PCSK4: variants seen among roughly 807,000 people sequenced by gnomAD.
The protein encoded by PCSK4 is proprotein convertase subtilisin/kexin type 4.
PCSK4 carries 64 observed loss-of-function variants against 80.3 expected under a neutral mutation model. That is an observed-to-expected ratio of 0.80 (90% CI 0.65 to 0.98). The LOEUF (loss-of-function observed/expected upper bound fraction) is 0.98. Among genes scored for constraint, PCSK4 ranks in the 50% least tolerant of loss-of-function variants. PCSK4 has a pLI of 0.00. For missense variants in PCSK4, 1,213 were observed against 1,093.6 expected (o/e 1.11, Z -1.54); for synonymous variants, 561 against 487.6 (o/e 1.15, Z -1.98).
chr19:1,483,849 A>C lies in PCSK4; in HGVS notation c.1262T>G (p.Val421Gly), dbSNP rs763135009. Reference sequence around the variant, plus strand: ...CGGCCCCGCCGCACCTTGGCGCCCCACGCCGTTGGTCCTCCAGTCCTCGGC... The same window carrying C: ...CGGCCCCGCCGCACCTTGGCGCCCCCCGCCGTTGGTCCTCCAGTCCTCGGC... Residue 421 changes from valine to glycine, a missense_variant, in exon 10 of 15, where the codon GTG becomes GGG. Transcript: ENST00000300954. 130 of 1,492,976 alleles carry C rather than the reference A, an allele frequency of 8.7e-5. No homozygotes were observed. The African/African-American group carries it at 1.8e-3, about 21-fold the overall frequency. The allele number at this position is 1,492,976 out of a possible 1,614,324, so 92.5% of individuals were successfully genotyped here.
chr19:1,488,017 A>T, exon 4 of PCSK4: 1 of 1,613,544 alleles, frequency 6.2e-7, no homozygotes, highest in Non-Finnish European at 8.5e-7. Context: ...TCCAGCACAG[A>T]GACCACGATG....
intron 13 of PCSK4, chr19:1,482,681 T>C (rs2084362340): frequency 1.3e-6 from 1 of 767,036 alleles, no homozygotes; most frequent in Non-Finnish European, 2.1e-6. Context: ...CGCCTGTCAC[T>C]GGGCACCTAC....
rs370108776 is a variant in PCSK4 at position 1,482,389 on chromosome 19, C to T, written c.1783G>A (p.Ala595Thr). 1.1e-5 allele frequency: 17 copies of T among 1,566,386 alleles called. No homozygotes were observed. Among genetic ancestry groups the T allele is most frequent in the Admixed American group, 3.7e-5 (2 of 54,138 alleles). The change falls in exon 14 of 15, where the codon GCG (alanine) becomes ACG (threonine). Residue 595 changes from alanine to threonine, a missense_variant. Transcript: ENST00000300954. ...CCCTCTGTGTCCCGCTGCACACACG[C>T]GCTGCTGGTCACCTGGGGGCCTGTA...
In PCSK4 at chr19:1,487,920, C is replaced by T. The variant is rs200607971; in HGVS notation, c.516+44G>A. 6.2e-5 allele frequency: 99 copies of T among 1,586,232 alleles called. 1 individual carries two copies. In the East Asian group the frequency reaches 8.5e-4, roughly 14 times the overall value. On this transcript the variant is annotated intron_variant, in intron 4 of 14. Coordinates refer to ENST00000300954, the Ensembl canonical transcript of PCSK4. ...GGCGTCCCTAGGGTGGTGCCAGCCT[C>T]GGCACCTGGGGCAGCCCTCGCCCAC...
exon 15 of PCSK4, chr19:1,481,762 G>T: frequency 6.6e-7 from 1 of 1,508,430 alleles, no homozygotes; most frequent in East Asian, 2.3e-5. Flanking sequence ...GACAACTTCA[G>T]GTTCCAGCTG....
chr19:1,485,775 G>A (rs920317090), intron 8 of PCSK4, among the ~76,000 whole-genome samples: 6 of 151,902 alleles, frequency 3.9e-5, no homozygotes, highest in African/African-American at 7.3e-5. Context: ...GGAGGCTGAG[G>A]AAGGAGAATG....
chr19:1,489,130 C>CTTTTT (rs996269474), intron 2 of PCSK4, among the ~76,000 whole-genome samples: 3 of 128,842 alleles, frequency 2.3e-5, no homozygotes, highest in Non-Finnish European at 3.2e-5. Context: ...AAGCCTCCTA[C>CTTTTT]TTTTTTTTTT....
intron 13 of PCSK4, 139 bp downstream of exon 13, chr19:1,482,757 C>T (rs1395904832): frequency 4.3e-5 from 40 of 925,906 alleles, no homozygotes; most frequent in Non-Finnish European, 6.2e-5. Context: ...GGTGACTGCA[C>T]GCCTACTGTG....
rs763384761 is a variant in PCSK4 at position 1,486,899 on chromosome 19, GT to G, written c.1021del (p.Thr341ProfsTer42). 1.8e-5 allele frequency: 29 copies of G among 1,601,270 alleles called. No individual in the cohort carries two copies. Among genetic ancestry groups the G allele is most frequent in the African/African-American group, 2.7e-5 (2 of 74,938 alleles). ...GCCGCTGCTGTAGGTGGTGGTGAGG[GT>G]GGAGGCGCAGGCTTCGCTGTACCAG... On this transcript the variant is annotated frameshift_variant, in exon 8 of 15. Transcript: ENST00000300954. LOFTEE classifies it high-confidence loss of function.
intron 11 of PCSK4, 72 bp from the exon 12 acceptor site, chr19:1,483,535 C>T (rs1214677455): frequency 1.4e-6 from 2 of 1,429,514 alleles, no homozygotes; most frequent in Non-Finnish European, 1.9e-6. Context: ...CAGGCGAGGT[C>T]GGGGCTCAGA....
exon 15 of PCSK4, chr19:1,481,720 A>G (rs1363115151): frequency 5.8e-6 from 8 of 1,384,134 alleles, no homozygotes; most frequent in Non-Finnish European, 6.8e-6. Context: ...CCTGTCAGGG[A>G]CCCAGGCGGG....
chr19:1,486,498 C>G (rs530331203), intron 8 of PCSK4, among the ~76,000 whole-genome samples: 17 of 151,292 alleles, frequency 1.1e-4, no homozygotes, highest in African/African-American at 3.6e-4. Context: ...GGGTTTCACT[C>G]TGTTAGCCAG....
Position 1,488,357 on chromosome 19 carries a change from C to A in PCSK4, c.295-77G>T, listed in dbSNP as rs2084753470. 3 of 1,103,138 alleles carry A rather than the reference C, an allele frequency of 2.7e-6. No individual in the cohort carries two copies. The East Asian group carries it at 7.7e-5, about 28-fold the overall frequency. 68.3% of individuals were successfully genotyped at this position (1,103,138 alleles called of 1,614,324 possible). A position where few individuals can be genotyped will look rare whatever the true frequency, so the allele number is the denominator to read the frequency against. Reference sequence around the variant, plus strand: ...CTCGTGGTTCAGGGAGTGAGGCAGCCCCGTGCCCTGGGACCCTGTGTTTGT... The same window carrying A: ...CTCGTGGTTCAGGGAGTGAGGCAGCACCGTGCCCTGGGACCCTGTGTTTGT... On this transcript the variant is annotated intron_variant, in intron 2 of 14. Coordinates refer to ENST00000300954, the Ensembl canonical transcript of PCSK4.
At chr19:1,489,808 C>T in exon 2 of PCSK4, 1 of 1,611,026 alleles carries the variant, frequency 6.2e-7, no homozygotes. Context: ...GGTTTTTCTT[C>T]AGGTGCAGGC....
chr19:1,486,358 C>T (rs917326251), intron 8 of PCSK4, among the ~76,000 whole-genome samples: 1 of 148,596 alleles, frequency 6.7e-6, no homozygotes, highest in Non-Finnish European at 1.5e-5. Context: ...GTGCAGTGGC[C>T]CGATCTCGGC....
chr19:1,481,954 G>A, exon 15 of PCSK4: 1 of 1,594,374 alleles, frequency 6.3e-7, no homozygotes, highest in South Asian at 1.1e-5. Flanking sequence ...GCCGGGGGCG[G>A]CTGTCGGGGG....
At position 1,483,770 on chromosome 19, in the gene PCSK4, G is replaced by T. The variant is rs2145346288; in HGVS notation, c.1274-3C>A. 1.3e-6 allele frequency: 2 copies of T among 1,577,494 alleles called. No individual in the cohort carries two copies. Among genetic ancestry groups the T allele is most frequent in the African/African-American group, 1.4e-5 (1 of 73,520 alleles). The stretch of plus-strand genomic sequence containing the variant: ...CCCGTATCCGTAGTGATGGCTCACT[G>T]CGCGGAAGGGCAGCAGTCACTCGCC... On this transcript the variant is annotated splice_region_variant and splice_polypyrimidine_tract_variant and intron_variant, in intron 10 of 14. Coordinates refer to ENST00000300954, the Ensembl canonical transcript of PCSK4.
chr19:1,482,237 T>C, intron 14 of PCSK4, 30 bp from the exon 15 acceptor site: 1 of 1,523,892 alleles, frequency 6.6e-7, no homozygotes, highest in South Asian at 1.2e-5. Context: ...CAAAGGCCCG[T>C]CAGCTTGCCA....
Position 1,487,005 on chromosome 19 carries a change from C to T in PCSK4, c.916G>A (p.Asp306Asn), listed in dbSNP as rs200902458. 7.2e-5 allele frequency: 116 copies of T among 1,609,566 alleles called. 1 individual carries two copies. Among genetic ancestry groups the T allele is most frequent in the South Asian group, 5.9e-4 (54 of 91,082 alleles). ...GTGTAGCCGTCGCAGTTGCAGTTGT[C>T]GTAGTGCAGGCCGCCGTTGCCCGAG... The change falls in exon 8 of 15, where the codon GAC (aspartate) becomes AAC (asparagine). Residue 306 changes from aspartate to asparagine, a missense_variant. Transcript: ENST00000300954.
Sources: allele counts gnomAD v4.1 joint callset (sites outside exome capture counted in the v4.1 genomes callset), GRCh38; gene constraint gnomAD v4.1.1; transcripts MANE v1.5; gene names NCBI Gene and HGNC (gene_info 2026-07-23, HGNC 2026-07-21).